The following CNNM1 variants were observed in gnomAD, a reference collection of about 807,000 sequenced individuals.
The protein encoded by CNNM1 is metal transporter CNNM1.
In CNNM1, 44 loss-of-function variants were observed where a neutral mutation model predicts 78.8. That is an observed-to-expected ratio of 0.56 (90% CI 0.44 to 0.72). The LOEUF is 0.72. CNNM1 is among the 30% of genes least tolerant of loss of function. CNNM1 has a pLI of 0.00. For missense variants in CNNM1, 1,101 were observed against 1,292.2 expected (o/e 0.85, Z 2.27); for synonymous variants, 584 against 581.5 (o/e 1.00, Z -0.06).
At chr10:99,367,876 C>T (rs993490744) in intron 6 of CNNM1, among the ~76,000 whole-genome samples, 1 of 3,632 alleles carries the variant, frequency 2.8e-4, no homozygotes, top group Non-Finnish European at 3.8e-4. Context: ...AGGGGCTGGA[C>T]TGTTATACAC....
Position 99,393,086 on chromosome 10 carries a change from C to A in CNNM1, c.*1570C>A, listed in dbSNP as rs961859665. Reference sequence around the variant, plus strand: ...ATAACTATCTCCCTTTCTGATCTGTCTCCTACTCTTTAGATGTTCTCAGTC... The same window carrying A: ...ATAACTATCTCCCTTTCTGATCTGTATCCTACTCTTTAGATGTTCTCAGTC... On this transcript the variant is annotated 3_prime_UTR_variant, in exon 11 of 11. Transcript: ENST00000356713. The A allele has an allele frequency of 1.3e-5, 2 of 152,226 alleles. No individual in the cohort carries two copies. The highest frequency in any genetic ancestry group is 2.9e-5 in the Non-Finnish European group (2 of 68,058). 9.4% of individuals were successfully genotyped at this position (152,226 alleles called of 1,614,324 possible).
rs1436032403 is a variant in CNNM1 at position 99,391,485 on chromosome 10, A to G, written c.2825A>G (p.Asp942Gly). 1.9e-6 allele frequency: 3 copies of G among 1,613,850 alleles called. No individual in the cohort carries two copies. In the South Asian group the frequency reaches 3.3e-5, roughly 18 times the overall value. ...RSPEGERTSE[D>G]NSNLTPLIT ...CCAGAAGGAGAGAGAACCTCTGAGG[A>G]CAACTCCAATTTAACACCTCTGATC... is the stretch of plus-strand genomic sequence containing the variant. The change falls in exon 11 of 11, where the codon GAC (aspartate) becomes GGC (glycine). Residue 942 changes from aspartate (D) to glycine (G), a missense_variant. Asp to Gly is a moderately conservative substitution (Grantham distance 94). Transcript: ENST00000356713.
chr10:99,377,059 C>A lies in CNNM1; in HGVS notation c.2181C>A (p.Asn727Lys). 1 of 1,358,318 alleles carries A rather than the reference C, an allele frequency of 7.4e-7. No homozygotes were observed. The highest frequency in any genetic ancestry group is 1.2e-5 in the South Asian group (1 of 82,220). 84.1% of individuals were successfully genotyped at this position (1,358,318 alleles called of 1,614,324 possible). A position where few individuals can be genotyped will look rare whatever the true frequency, so the allele number is the denominator to read the frequency against. ...TCCATCTCTCACCATCTGCAGTAAA[C>A]CGGTCCCCTTCTCGCTGCAGTGGGT... The part of the protein sequence containing the change: ...GSLAGSSVFL[N>K]RSPSRCSGLN... Residue 727 changes from asparagine (N) to lysine (K), a missense_variant, in exon 7 of 11, where the codon AAC (asparagine) becomes AAA (lysine). Asn to Lys is a moderately conservative substitution (Grantham distance 94). Transcript: ENST00000356713.
chr10:99,357,731 T>G, intron 2 of CNNM1, 76 bp downstream of exon 2: 1 of 1,410,352 alleles, frequency 7.1e-7, no homozygotes, highest in Non-Finnish European at 9.4e-7. Context: ...CCTCATTTGA[T>G]TTATAGAAAG....
chr10:99,331,729 G>A (rs1193483993), intron 1 of CNNM1, among the ~76,000 whole-genome samples: 1 of 152,106 alleles, frequency 6.6e-6, no homozygotes, highest in Non-Finnish European at 1.5e-5. Flanking sequence ...TTGCCCGGGG[G>A]GGAGGGAAGT....
chr10:99,378,117 C>G (rs992939570), intron 7 of CNNM1, among the ~76,000 whole-genome samples: 2 of 152,102 alleles, frequency 1.3e-5, no homozygotes, highest in African/African-American at 4.8e-5. Context: ...GCACGTGCCA[C>G]CACGTCCAGC....
intron 1 of CNNM1, among the ~76,000 whole-genome samples, chr10:99,332,266 T>C (rs1341279344): frequency 2.6e-5 from 4 of 152,194 alleles, no homozygotes; most frequent in Middle Eastern, 3.2e-3. Flanking sequence ...ATGACTCCTT[T>C]GAAGGAGGCA....
intron 7 of CNNM1, among the ~76,000 whole-genome samples, chr10:99,385,608 A>G (rs1488716699): frequency 2.0e-5 from 3 of 152,226 alleles, no homozygotes; most frequent in African/African-American, 7.2e-5. Context: ...CATGTTTTAA[A>G]CAACCATTCC....
At chr10:99,351,002 G>A (rs927687015) in intron 1 of CNNM1, among the ~76,000 whole-genome samples, 9 of 152,192 alleles carry the variant, frequency 5.9e-5, no homozygotes, top group African/African-American at 2.2e-4. Flanking sequence ...GTCCCCTGGG[G>A]GGCAAAATCA....
intron 5 of CNNM1, 55 bp downstream of exon 5, chr10:99,364,571 C>A: frequency 7.1e-7 from 1 of 1,401,420 alleles, no homozygotes; most frequent in Non-Finnish European, 9.9e-7. Flanking sequence ...GTAGAAAAAG[C>A]ACAGGGGTTC....
chr10:99,350,071 G>A (rs1003398711), intron 1 of CNNM1, among the ~76,000 whole-genome samples: 46 of 152,242 alleles, frequency 3.0e-4, no homozygotes, highest in African/African-American at 1.0e-3. Flanking sequence ...GATTCCGTAG[G>A]GCAGGGATGG....
intron 1 of CNNM1, among the ~76,000 whole-genome samples, chr10:99,344,232 T>C (rs193106550): frequency 3.0e-4 from 45 of 150,180 alleles, no homozygotes; most frequent in African/African-American, 1.0e-3. Context: ...CTCAGGAGGC[T>C]GAGGCGGGAG....
intron 6 of CNNM1, chr10:99,368,706 C>A (rs1408298524): frequency 7.8e-7 from 1 of 1,286,414 alleles, no homozygotes; most frequent in African/African-American, 1.5e-5. Context: ...TGTCTCGGGT[C>A]TCTGTAGATC....
intron 7 of CNNM1, among the ~76,000 whole-genome samples, chr10:99,385,914 G>A (rs1001757929): frequency 2.0e-5 from 3 of 152,148 alleles, no homozygotes; most frequent in African/African-American, 7.2e-5. Flanking sequence ...AAGATCAACT[G>A]CTTTACTGGG....
At chr10:99,370,612 C>A (rs1298877862) in intron 6 of CNNM1, among the ~76,000 whole-genome samples, 1 of 152,132 alleles carries the variant, frequency 6.6e-6, no homozygotes, top group East Asian at 1.9e-4. Flanking sequence ...TAACTTCTGG[C>A]CCTGTAAGCA....
chr10:99,380,306 A>G (rs892216080), intron 7 of CNNM1, among the ~76,000 whole-genome samples: 1 of 152,166 alleles, frequency 6.6e-6, no homozygotes, highest in Non-Finnish European at 1.5e-5. Context: ...AAGTTGAGAA[A>G]ATCAGTATGA....
At chr10:99,388,726 A>G (rs2032381972) in intron 9 of CNNM1, among the ~76,000 whole-genome samples, 1 of 152,198 alleles carries the variant, frequency 6.6e-6, no homozygotes, top group Non-Finnish European at 1.5e-5. Context: ...AAGGCATATT[A>G]CAGTGTTCAG....
At position 99,391,474 on chromosome 10, in the gene CNNM1, A is replaced by G. The variant is rs2032470471; in HGVS notation, c.2814A>G (p.Arg938=). 2.5e-6 allele frequency: 4 copies of G among 1,613,820 alleles called. No homozygotes were observed. In the South Asian group the frequency reaches 4.4e-5, roughly 18 times the overall value. The change falls in exon 11 of 11, where the codon AGA becomes AGG. Residue 938 remains arginine (R), a synonymous_variant. Coordinates refer to ENST00000356713, the MANE Select transcript of CNNM1 (RefSeq NM_020348.3). The part of the protein sequence containing the change: ...QKRKRSPEGE[R]TSEDNSNLTP... ...GGAAGAGGTCACCAGAAGGAGAGAG[A>G]ACCTCTGAGGACAACTCCAATTTAA...
At chr10:99,366,816 A>G (rs958728181) in intron 6 of CNNM1, among the ~76,000 whole-genome samples, 6 of 152,206 alleles carry the variant, frequency 3.9e-5, no homozygotes, top group Non-Finnish European at 8.8e-5. Flanking sequence ...GGAAGATGTT[A>G]TCTGATTTCT....
Sources: allele counts gnomAD v4.1 joint callset (sites outside exome capture counted in the v4.1 genomes callset), GRCh38; gene constraint gnomAD v4.1.1; transcripts MANE v1.5; gene names NCBI Gene and HGNC (gene_info 2026-07-23, HGNC 2026-07-21).